The following CELF2 variants were observed in gnomAD, a reference collection of about 807,000 sequenced individuals.
The protein encoded by CELF2 is CUG triplet repeat RNA-binding protein 2.
A neutral mutation model predicts 62.6 loss-of-function variants in CELF2; 8 were observed. That is an observed-to-expected ratio of 0.13 (90% CI 0.07 to 0.23). The LOEUF (loss-of-function observed/expected upper bound fraction) is 0.23, where lower values mean the gene tolerates loss of function less well. Ranked by LOEUF, CELF2 falls within the 10% of genes least tolerant of loss-of-function variation. CELF2 has a pLI of 1.00. For missense variants in CELF2, 333 were observed against 671.0 expected (o/e 0.50, Z 5.56); for synonymous variants, 258 against 250.0 (o/e 1.03, Z -0.30).
the CELF2 span, among the ~76,000 whole-genome samples, chr10:10,466,025 G>A: frequency 6.6e-6 from 1 of 152,068 alleles, no homozygotes. Context: ...CTTCTTACAT[G>A]TGATCCAAGA....
At chr10:10,916,634 A>G (rs752150789) in intron 1 of CELF2, among the ~76,000 whole-genome samples, 12 of 152,172 alleles carry the variant, frequency 7.9e-5, no homozygotes, top group Non-Finnish European at 1.2e-4. Context: ...TTGTTTTGAG[A>G]CAGAGTTTTG....
At chr10:10,463,092 C>T in the CELF2 span, among the ~76,000 whole-genome samples, 1 of 152,086 alleles carries the variant, frequency 6.6e-6, no homozygotes, top group African/African-American at 2.4e-5. Flanking sequence ...ATGAAACAGA[C>T]TAAAGTGAGT....
At chr10:10,601,505 G>C in the CELF2 span, among the ~76,000 whole-genome samples, 34 of 152,152 alleles carry the variant, frequency 2.2e-4, no homozygotes, top group Non-Finnish European at 4.6e-4. Flanking sequence ...ATGACTTTGG[G>C]CCAGGAAAGC....
intron 1 of CELF2, among the ~76,000 whole-genome samples, chr10:10,853,419 G>A (rs2059510978): frequency 6.6e-6 from 1 of 152,072 alleles, no homozygotes; most frequent in Admixed American, 6.5e-5. Flanking sequence ...TGCATTTAGT[G>A]AAAAGATCTG....
chr10:11,291,033 T>C (rs1208158461), intron 9 of CELF2, among the ~76,000 whole-genome samples: 1 of 152,188 alleles, frequency 6.6e-6, no homozygotes, highest in Non-Finnish European at 1.5e-5. Flanking sequence ...TCCTAGAAGA[T>C]AAAAGGGGTT....
At chr10:10,821,553 C>T (rs2056965616) in intron 1 of CELF2, among the ~76,000 whole-genome samples, 2 of 152,224 alleles carry the variant, frequency 1.3e-5, no homozygotes, top group Non-Finnish European at 2.9e-5. Context: ...AGGCCTCCAT[C>T]ATTCTACTGA....
chr10:11,229,672 C>G (rs1225241871), intron 3 of CELF2, among the ~76,000 whole-genome samples: 1 of 151,888 alleles, frequency 6.6e-6, no homozygotes, highest in Non-Finnish European at 1.5e-5. Context: ...TCACTGCAAC[C>G]TCCACCTCCC....
chr10:10,692,479 C>G, the CELF2 span, among the ~76,000 whole-genome samples: 1 of 147,208 alleles, frequency 6.8e-6, no homozygotes, highest in Non-Finnish European at 1.5e-5. Flanking sequence ...TTAGGATTGA[C>G]TTGGTGATGT....
intron 2 of CELF2, among the ~76,000 whole-genome samples, chr10:11,176,107 G>A (rs2070992224): frequency 6.6e-6 from 1 of 152,188 alleles, no homozygotes; most frequent in Non-Finnish European, 1.5e-5. Flanking sequence ...GAACATTAGA[G>A]GAACCAAGGC....
chr10:11,100,041 A>C (rs1452717092), intron 1 of CELF2, among the ~76,000 whole-genome samples: 2 of 150,964 alleles, frequency 1.3e-5, no homozygotes, highest in Non-Finnish European at 3.0e-5. Flanking sequence ...TCCCTACTAA[A>C]AAATACAAAA....
At chr10:10,701,893 A>G in the CELF2 span, among the ~76,000 whole-genome samples, 3 of 152,246 alleles carry the variant, frequency 2.0e-5, no homozygotes, top group South Asian at 4.1e-4. Context: ...GAAATACTGT[A>G]CAAATGAATT....
the CELF2 span, among the ~76,000 whole-genome samples, chr10:10,544,564 A>G: frequency 6.6e-6 from 1 of 152,260 alleles, no homozygotes; most frequent in African/African-American, 2.4e-5. Flanking sequence ...TATTCCATGT[A>G]TAAAGCTATG....
At chr10:10,984,685 G>A (rs953437390) in intron 2 of CELF2, among the ~76,000 whole-genome samples, 1 of 152,080 alleles carries the variant, frequency 6.6e-6, no homozygotes, top group Non-Finnish European at 1.5e-5. Context: ...GGACATCATG[G>A]TTTCATTACA....
chr10:11,210,994 G>A (rs548460484), intron 2 of CELF2, among the ~76,000 whole-genome samples: 11 of 152,284 alleles, frequency 7.2e-5, no homozygotes, highest in Admixed American at 2.6e-4. Flanking sequence ...TTAAAACTGC[G>A]TCAGCCATGC....
At chr10:10,538,604 C>A in the CELF2 span, among the ~76,000 whole-genome samples, 1 of 152,120 alleles carries the variant, frequency 6.6e-6, no homozygotes, top group Non-Finnish European at 1.5e-5. Flanking sequence ...CCCAAACAAC[C>A]CACCCTATTC....
At chr10:11,129,067 A>G (rs886663887) in intron 1 of CELF2, among the ~76,000 whole-genome samples, 29 of 152,174 alleles carry the variant, frequency 1.9e-4, no homozygotes, top group African/African-American at 5.3e-4. Flanking sequence ...TACCTAGTGT[A>G]TTGAGAGTTT....
At chr10:11,086,593 A>C (rs2046830760) in intron 1 of CELF2, among the ~76,000 whole-genome samples, 1 of 147,096 alleles carries the variant, frequency 6.8e-6, no homozygotes, top group African/African-American at 2.5e-5. Context: ...AAAAAAAAAA[A>C]AAAAAAAAAA....
the CELF2 span, among the ~76,000 whole-genome samples, chr10:10,593,374 G>T: frequency 6.6e-6 from 1 of 152,172 alleles, no homozygotes; most frequent in Non-Finnish European, 1.5e-5. Context: ...ACTTCACATG[G>T]TCTCTCATCC....
At chr10:11,151,377 G>A (rs1370782579) in intron 1 of CELF2, among the ~76,000 whole-genome samples, 7 of 152,176 alleles carry the variant, frequency 4.6e-5, no homozygotes, top group South Asian at 2.1e-4. Flanking sequence ...GGAAAGAGAC[G>A]AGGGAGTGTG....
Sources: allele counts gnomAD v4.1 joint callset (sites outside exome capture counted in the v4.1 genomes callset), GRCh38; gene constraint gnomAD v4.1.1; transcripts MANE v1.5; gene names NCBI Gene and HGNC (gene_info 2026-07-23, HGNC 2026-07-21).